The following ZBTB38 variants were observed in gnomAD, a reference collection of about 807,000 sequenced individuals.
ZBTB38 encodes zinc finger and BTB domain containing 38.
A neutral mutation model predicts 76.8 loss-of-function variants in ZBTB38; 20 were observed. The ratio of observed to expected loss-of-function variants is 0.26; its 90% CI spans 0.18 to 0.38. The LOEUF (loss-of-function observed/expected upper bound fraction) is 0.38. ZBTB38 is among the 10% of genes least tolerant of loss of function. ZBTB38 has a pLI of 1.00. For synonymous variants in ZBTB38, 504 were observed against 544.2 expected (o/e 0.93, Z 1.03); for missense variants, 1,082 against 1,482.3 (o/e 0.73, Z 4.43).
At chr3:141,391,798 G>T (rs551078249) in intron 4 of ZBTB38, among the ~76,000 whole-genome samples, 10 of 152,110 alleles carry the variant, frequency 6.6e-5, no homozygotes, top group African/African-American at 1.9e-4. Context: ...ATCTCATCTG[G>T]CCAGTAGATT....
chr3:141,402,684 A>AGCGGG (rs1363865341), intron 4 of ZBTB38: 8 of 145,846 alleles, frequency 5.5e-5, no homozygotes, highest in South Asian at 2.2e-4. Context: ...CCGCGCCCGG[A>AGCGGG]GCGGGGCGGG....
intron 4 of ZBTB38, chr3:141,389,972 T>C (rs1948353735): frequency 6.6e-6 from 1 of 152,220 alleles, no homozygotes; most frequent in African/African-American, 2.4e-5. Context: ...TTGCTCTTAG[T>C]CTTGCCTAAA....
intron 5 of ZBTB38, among the ~76,000 whole-genome samples, chr3:141,418,631 T>C (rs1448477963): frequency 6.6e-6 from 1 of 152,254 alleles, no homozygotes; most frequent in Non-Finnish European, 1.5e-5. Context: ...CTTAGAATTA[T>C]TGTACTGATA....
upstream of ZBTB38, chr3:141,367,706 A>G (rs1372702541): frequency 6.6e-6 from 1 of 152,246 alleles, no homozygotes; most frequent in Non-Finnish European, 1.5e-5. Flanking sequence ...TCTCTATAGC[A>G]TTAGGAATAT....
intron 1 of ZBTB38, among the ~76,000 whole-genome samples, chr3:141,360,494 G>A (rs1400521583): frequency 1.3e-5 from 2 of 152,134 alleles, no homozygotes; most frequent in Admixed American, 6.5e-5. Flanking sequence ...GGAGGCATGA[G>A]GGGATGGAAA....
chr3:141,325,021 T>C (rs534298187), intron 1 of ZBTB38, among the ~76,000 whole-genome samples: 45 of 152,384 alleles, frequency 3.0e-4, no homozygotes, highest in African/African-American at 1.0e-3. Flanking sequence ...TTGTTCTGTG[T>C]CTATGCCAGT....
intron 4 of ZBTB38, chr3:141,387,355 T>C (rs1295499720): frequency 6.6e-6 from 1 of 152,172 alleles, no homozygotes; most frequent in Non-Finnish European, 1.5e-5. Context: ...TTCGTGCATT[T>C]GCTGTCTTTT....
At chr3:141,364,098 G>T (rs75678496), upstream of ZBTB38, among the ~76,000 whole-genome samples, 9,342 of 150,626 alleles carry the variant, frequency 0.062, 972 homozygotes, top group African/African-American at 0.22. Flanking sequence ...TTTTGTCTGG[G>T]GTATATAAAG....
intron 4 of ZBTB38, among the ~76,000 whole-genome samples, chr3:141,391,280 G>A (rs1251909792): frequency 2.6e-5 from 4 of 152,204 alleles, no homozygotes; most frequent in African/African-American, 9.7e-5. Flanking sequence ...AGTGAAGATC[G>A]TGTGCTGAGA....
At chr3:141,338,849 T>C (rs1173096975) in intron 1 of ZBTB38, among the ~76,000 whole-genome samples, 1 of 152,160 alleles carries the variant, frequency 6.6e-6, no homozygotes, top group Non-Finnish European at 1.5e-5. Flanking sequence ...ATGAGATCTT[T>C]GCCCTTCTAG....
chr3:141,326,887 A>G (rs1483027033), intron 1 of ZBTB38, among the ~76,000 whole-genome samples: 1 of 152,204 alleles, frequency 6.6e-6, no homozygotes, highest in African/African-American at 2.4e-5. Flanking sequence ...GCACCAGTAG[A>G]ACAAAGGGTG....
intron 4 of ZBTB38, among the ~76,000 whole-genome samples, chr3:141,391,108 TAGA>T (rs1948736237): frequency 1.3e-5 from 2 of 152,014 alleles, no homozygotes; most frequent in Admixed American, 1.3e-4. Flanking sequence ...TGCAGTGAGC[TAGA>T]ATCATACTAC....
chr3:141,438,174 TG>T (rs1301799230), intron 5 of ZBTB38: 1 of 152,098 alleles, frequency 6.6e-6, no homozygotes, highest in Non-Finnish European at 1.5e-5. Context: ...TGAATTCAGA[TG>T]CCATCACCAC....
In ZBTB38 at chr3:141,352,457, G is replaced by C. The variant is rs79260275; in HGVS notation, c.-738-16164G>C. Among the ~76,000 whole-genome samples the C allele has an allele frequency of 5.5e-4, 83 of 152,238 alleles. 1 individual carries two copies. The highest frequency in any genetic ancestry group is 1.8e-3 in the African/African-American group (76 of 41,532). On this transcript the variant is annotated intron_variant, in intron 1 of 7. Coordinates refer to the ZBTB38 transcript ENST00000509842. Reference sequence around the variant, plus strand: ...TGTTTAGAGTGAAGATATACAGATGGAGGGAAGGTCAATGGGAGGGCTTCA... The same window carrying C: ...TGTTTAGAGTGAAGATATACAGATGCAGGGAAGGTCAATGGGAGGGCTTCA...
chr3:141,401,805 G>A (rs1952068868), intron 4 of ZBTB38, among the ~76,000 whole-genome samples: 1 of 152,198 alleles, frequency 6.6e-6, no homozygotes, highest in Non-Finnish European at 1.5e-5. Flanking sequence ...CCAGCGGCCA[G>A]GGCCCTTCAT....
Position 141,445,832 on chromosome 3 carries a change from A to C in ZBTB38, c.3444A>C (p.Leu1148Phe). The C allele has an allele frequency of 6.2e-7, 1 of 1,614,198 alleles. No individual in the cohort carries two copies. Among genetic ancestry groups the C allele is most frequent in the Non-Finnish European group, 8.5e-7 (1 of 1,180,040 alleles). Residue 1148 changes from leucine (L) to phenylalanine (F), a missense_variant, in exon 6 of 6, where the codon TTA becomes TTC. Leu to Phe is a conservative substitution (Grantham distance 22, BLOSUM62 0). Around this residue, in one of 8 missense-constraint regions of ZBTB38, gnomAD observed 54 missense variants for 57.9 expected, o/e 0.93. Transcript: ENST00000321464. The surrounding 1 kb of genome is among the most constrained non-coding windows in gnomAD (Gnocchi z 6.5). ...AALGMHQKKH[L>F]FKSPSQQEKI... Reference sequence around the variant, plus strand: ...TTGGAATGCACCAAAAGAAACACTTATTCAAAAGCCCAAGTCAGCAGGAGA... The same window carrying C: ...TTGGAATGCACCAAAAGAAACACTTCTTCAAAAGCCCAAGTCAGCAGGAGA...
At chr3:141,364,281 C>G (rs375287686), upstream of ZBTB38, among the ~76,000 whole-genome samples, 509 of 151,022 alleles carry the variant, frequency 3.4e-3, 4 homozygotes, top group African/African-American at 0.012. Flanking sequence ...TAACACCAAC[C>G]AGAAATGAAA....
intron 5 of ZBTB38, among the ~76,000 whole-genome samples, chr3:141,431,355 T>TATATATATATATATATATATATATATATA (rs1362541027): frequency 5.1e-5 from 7 of 137,940 alleles, no homozygotes; most frequent in African/African-American, 2.1e-4. Flanking sequence ...TATATATATA[T>TATATATATATATATATATATATATATATA]TTGGGGGGGA....
chr3:141,443,525 A>G lies in ZBTB38; in HGVS notation c.1137A>G (p.Gln379=), dbSNP rs202232328. Residue 379 remains glutamine, a synonymous_variant, in exon 6 of 6, where the codon CAA becomes CAG. Transcript: ENST00000321464. This position sits in a 1 kb window ranked among gnomAD's most constrained non-coding sequence, Gnocchi z 5.6. ...EPLVCKYCNK[Q]FTTLNRLDRH... is the part of the protein sequence containing the mutation. Reference sequence around the variant, plus strand: ...TAGTGTGCAAGTATTGCAACAAACAATTCACCACCCTGAACAGGTTGGATC... The same window carrying G: ...TAGTGTGCAAGTATTGCAACAAACAGTTCACCACCCTGAACAGGTTGGATC... 30 of 1,614,184 alleles carry G rather than the reference A, an allele frequency of 1.9e-5. No individual in the cohort carries two copies. Among genetic ancestry groups the G allele is most frequent in the Middle Eastern group, 1.6e-4 (1 of 6,062 alleles).
Sources: allele counts gnomAD v4.1 joint callset (sites outside exome capture counted in the v4.1 genomes callset), GRCh38; gene constraint gnomAD v4.1.1; regional missense constraint gnomAD v4.1.1; non-coding constraint Gnocchi (gnomAD v3.1); transcripts MANE v1.5; gene names NCBI Gene and HGNC (gene_info 2026-07-23, HGNC 2026-07-21).